Variants in EXT1 observed in about 807,000 individuals in gnomAD.
The protein encoded by EXT1 is exostosin-1.
A neutral mutation model predicts 82.5 loss-of-function variants in EXT1; 20 were observed. The observed-to-expected ratio is 0.24, with a 90% CI of 0.17 to 0.35. The LOEUF (loss-of-function observed/expected upper bound fraction) is 0.35, where lower values mean the gene tolerates loss of function less well. EXT1 is among the 10% of genes least tolerant of loss of function. The pLI, the probability that EXT1 is intolerant of heterozygous loss-of-function variation, is 1.00. For synonymous variants in EXT1, 348 were observed against 350.8 expected (o/e 0.99, Z 0.09); for missense variants, 757 against 936.5 (o/e 0.81, Z 2.50).
At chr8:118,037,664 A>T (rs1006556036) in intron 1 of EXT1, among the ~76,000 whole-genome samples, 1 of 152,156 alleles carries the variant, frequency 6.6e-6, no homozygotes, top group East Asian at 1.9e-4. Flanking sequence ...TTCACACATT[A>T]GGCAAAATCA....
intron 1 of EXT1, among the ~76,000 whole-genome samples, chr8:118,001,038 A>G (rs1815654712): frequency 6.6e-6 from 1 of 152,232 alleles, no homozygotes; most frequent in South Asian, 2.1e-4. Flanking sequence ...AACACGTACA[A>G]TAAAATATAC....
chr8:117,824,643 G>A (rs747033058), intron 4 of EXT1, among the ~76,000 whole-genome samples: 1 of 152,094 alleles, frequency 6.6e-6, no homozygotes. Flanking sequence ...ACTCACTCCT[G>A]TGTTCGTTTT....
rs540264277 is a variant in EXT1, at chr8:118,024,890, T to C, written c.962+85195A>G. Among the ~76,000 whole-genome samples, 9 of 152,360 alleles carry C rather than the reference T, an allele frequency of 5.9e-5. No individual in the cohort carries two copies. In the South Asian group the frequency reaches 1.9e-3, roughly 32 times the overall value. Reference sequence around the variant, plus strand: ...ACTAGCAGCAGTGAGATATTAAATATTGATGTGTTTTAAACACTAGAGTGA... The same window carrying C: ...ACTAGCAGCAGTGAGATATTAAATACTGATGTGTTTTAAACACTAGAGTGA... On this transcript the variant is annotated intron_variant, in intron 1 of 10. Coordinates refer to ENST00000378204, the MANE Select transcript of EXT1 (RefSeq NM_000127.3).
Position 117,795,341 on chromosome 8 carries a change from A to T in EXT1, c.*4371T>A, listed in dbSNP as rs1233768524. 6.6e-6 allele frequency: 1 copy of T among 152,218 alleles called. No individual in the cohort carries two copies. The highest frequency in any genetic ancestry group is 2.4e-5 in the African/African-American group (1 of 41,448). The allele number at this position is 152,218 out of a possible 1,614,324, so 9.4% of individuals were successfully genotyped here. A position where few individuals can be genotyped will look rare whatever the true frequency, so the allele number is the denominator to read the frequency against. ...AAGCCTTTGATTTTTGGAAAGGGCA[A>T]AAAGGGGAGAGATGGTTTTGAGGAG... On this transcript the variant is annotated 3_prime_UTR_variant, in exon 11 of 11. Transcript: ENST00000378204.
At chr8:117,836,676 T>C (rs943381112) in intron 2 of EXT1, among the ~76,000 whole-genome samples, 13 of 152,010 alleles carry the variant, frequency 8.6e-5, no homozygotes, top group African/African-American at 3.1e-4. Context: ...AAGAGCTGGA[T>C]CATCTGAGTA....
intron 1 of EXT1, among the ~76,000 whole-genome samples, chr8:118,104,496 A>G (rs1817775351): frequency 6.6e-6 from 1 of 152,190 alleles, no homozygotes; most frequent in African/African-American, 2.4e-5. Context: ...CTTCTTCCAG[A>G]GTATGAAGGA....
At chr8:117,926,625 T>C (rs1020267820) in intron 1 of EXT1, among the ~76,000 whole-genome samples, 3 of 152,126 alleles carry the variant, frequency 2.0e-5, no homozygotes, top group African/African-American at 7.2e-5. Context: ...GGCAATTTGC[T>C]TCTAGGAAAC....
At chr8:117,981,450 A>G (rs1198473214) in intron 1 of EXT1, among the ~76,000 whole-genome samples, 1 of 152,346 alleles carries the variant, frequency 6.6e-6, no homozygotes, top group African/African-American at 2.4e-5. Flanking sequence ...TAAATACTTG[A>G]TCTACTAATT....
At chr8:117,925,839 G>A (rs879756190) in intron 1 of EXT1, among the ~76,000 whole-genome samples, 3 of 152,028 alleles carry the variant, frequency 2.0e-5, no homozygotes, top group Non-Finnish European at 2.9e-5. Flanking sequence ...TTGAGGCTGC[G>A]GTGAACCAAG....
chr8:118,072,766 T>C (rs781114071), intron 1 of EXT1, among the ~76,000 whole-genome samples: 8 of 152,202 alleles, frequency 5.3e-5, no homozygotes, highest in Non-Finnish European at 8.8e-5. Context: ...CACAAGTGTG[T>C]TGGGATTTTA....
At chr8:117,887,927 A>G (rs1330096246) in intron 1 of EXT1, among the ~76,000 whole-genome samples, 1 of 151,658 alleles carries the variant, frequency 6.6e-6, no homozygotes, top group Non-Finnish European at 1.5e-5. Context: ...CTCTACTAAA[A>G]ATACAAAATT....
chr8:117,845,544 T>C (rs374184683), intron 1 of EXT1, among the ~76,000 whole-genome samples: 2 of 87,680 alleles, frequency 2.3e-5, no homozygotes, highest in South Asian at 1.0e-3. Flanking sequence ...ATGGCTAATA[T>C]ATAAAAGTAA....
chr8:117,976,943 G>A (rs1011888027), intron 1 of EXT1, among the ~76,000 whole-genome samples: 2 of 152,156 alleles, frequency 1.3e-5, no homozygotes, highest in African/African-American at 4.8e-5. Context: ...ACCCCTGAAA[G>A]GAGAGGGGCC....
At chr8:117,844,034 C>T (rs1271349518) in intron 1 of EXT1, among the ~76,000 whole-genome samples, 1 of 152,064 alleles carries the variant, frequency 6.6e-6, no homozygotes, top group African/African-American at 2.4e-5. Context: ...AGATCACTAC[C>T]AGGAGCTCAG....
chr8:118,035,575 G>A (rs1246089281), intron 1 of EXT1, among the ~76,000 whole-genome samples: 1 of 151,806 alleles, frequency 6.6e-6, no homozygotes, highest in Non-Finnish European at 1.5e-5. Flanking sequence ...AATTTTACAT[G>A]TAAGTTCTAT....
At chr8:118,003,026 T>C (rs1398431261) in intron 1 of EXT1, among the ~76,000 whole-genome samples, 1 of 152,106 alleles carries the variant, frequency 6.6e-6, no homozygotes, top group Non-Finnish European at 1.5e-5. Context: ...TATGTGTATA[T>C]ATATATATAC....
chr8:117,962,579 C>A (rs920609005), intron 1 of EXT1, among the ~76,000 whole-genome samples: 5 of 152,092 alleles, frequency 3.3e-5, no homozygotes, highest in African/African-American at 9.7e-5. Flanking sequence ...TGGTGAAACG[C>A]CCATCTCTAC....
intron 1 of EXT1, among the ~76,000 whole-genome samples, chr8:118,073,385 C>T (rs1817131328): frequency 6.6e-6 from 1 of 152,140 alleles, no homozygotes; most frequent in Non-Finnish European, 1.5e-5. Flanking sequence ...CTTTGGGAGG[C>T]CAAGGTGGGC....
chr8:117,970,696 C>A (rs1814921493), intron 1 of EXT1, among the ~76,000 whole-genome samples: 1 of 152,140 alleles, frequency 6.6e-6, no homozygotes, highest in African/African-American at 2.4e-5. Flanking sequence ...AGTTGAAATT[C>A]TTGGTGATCT....
Sources: allele counts gnomAD v4.1 joint callset (sites outside exome capture counted in the v4.1 genomes callset), GRCh38; gene constraint gnomAD v4.1.1; transcripts MANE v1.5; gene names NCBI Gene and HGNC (gene_info 2026-07-23, HGNC 2026-07-21).